ESR1: variants seen among roughly 807,000 people sequenced by gnomAD.
ESR1 encodes estrogen receptor.
In ESR1, 12 loss-of-function variants were observed where a neutral mutation model predicts 52.7. The observed-to-expected ratio is 0.23, with a 90% CI of 0.15 to 0.37. ESR1 has a LOEUF of 0.37. ESR1 is among the 10% of genes least tolerant of loss of function. The pLI is 1.00. For missense variants in ESR1, 584 were observed against 779.7 expected, an observed-to-expected ratio of 0.75 and a Z score of 2.99; for synonymous variants, 305 against 316.8, an observed-to-expected ratio of 0.96 and a Z score of 0.39.
chr6:151,690,437 A>G (rs892546314), upstream of ESR1: 3 of 152,164 alleles, frequency 2.0e-5, no homozygotes. Flanking sequence ...AGATTTTCCA[A>G]TCCTAGTCAA....
chr6:151,690,834 G>A (rs144574520), intron 1 of ESR1, among the ~76,000 whole-genome samples: 1 of 152,288 alleles, frequency 6.6e-6, no homozygotes, highest in Non-Finnish European at 1.5e-5. Flanking sequence ...GTATTCCTGG[G>A]ATGATAAAAT....
intron 2 of ESR1, among the ~76,000 whole-genome samples, chr6:151,741,329 C>T (rs907091953): frequency 3.3e-5 from 5 of 152,038 alleles, no homozygotes; most frequent in Non-Finnish European, 7.3e-5. Context: ...TCCTCTATGC[C>T]TAAGCTTATT....
At chr6:151,660,266 A>C (rs1777594820) in intron 1 of ESR1, among the ~76,000 whole-genome samples, 1 of 152,168 alleles carries the variant, frequency 6.6e-6, no homozygotes, top group African/African-American at 2.4e-5. Flanking sequence ...TAAACTCTTA[A>C]CTTTGTGAGG....
At chr6:151,663,832 A>C (rs897202860) in intron 1 of ESR1, among the ~76,000 whole-genome samples, 3 of 152,208 alleles carry the variant, frequency 2.0e-5, no homozygotes, top group Non-Finnish European at 2.9e-5. Flanking sequence ...TGTTCCTGAG[A>C]GTGAAGGGAT....
At position 152,122,466 on chromosome 6, in the gene ESR1, G is replaced by A; in HGVS notation, c.851-2800G>A. ...GTGGAGGAGGGCCATTCGTGTATCTGAGCATGGGGTGGAATGACCGGGCAA... is the reference window on the plus strand; with the variant it reads ...GTGGAGGAGGGCCATTCGTGTATCTAAGCATGGGGTGGAATGACCGGGCAA... On this transcript the variant is annotated intron_variant, in intron 6 of 6. Coordinates refer to the ESR1 transcript ENST00000427531. The A allele has an allele frequency of 2.5e-6, 4 of 1,614,170 alleles. No homozygotes were observed. In the South Asian group the frequency reaches 4.4e-5, roughly 18 times the overall value.
intron 5 of ESR1, among the ~76,000 whole-genome samples, chr6:152,050,003 C>T (rs1459328502): frequency 2.0e-5 from 3 of 152,066 alleles, no homozygotes. Flanking sequence ...ATCTTTTTTG[C>T]TTTTGTCCCC....
At chr6:151,706,312 A>G (rs1318603755) in intron 2 of ESR1, among the ~76,000 whole-genome samples, 1 of 152,244 alleles carries the variant, frequency 6.6e-6, no homozygotes. Flanking sequence ...CAGCTCCAAC[A>G]TGCAGGACCC....
chr6:151,701,053 T>C (rs1179449019), intron 1 of ESR1, among the ~76,000 whole-genome samples: 1 of 152,192 alleles, frequency 6.6e-6, no homozygotes, highest in Non-Finnish European at 1.5e-5. Flanking sequence ...AAAGCTGTAT[T>C]AAGTTGCATT....
chr6:151,679,688 A>G (rs761574836), intron 1 of ESR1, among the ~76,000 whole-genome samples: 22 of 152,124 alleles, frequency 1.4e-4, no homozygotes, highest in Admixed American at 3.9e-4. Context: ...ACACCTTAGC[A>G]TTCCTGTTAC....
At chr6:151,671,535 T>C (rs1214861151) in intron 1 of ESR1, among the ~76,000 whole-genome samples, 5 of 152,044 alleles carry the variant, frequency 3.3e-5, no homozygotes, top group African/African-American at 1.2e-4. Context: ...GGAAATGGAA[T>C]GCGGCAGAAA....
chr6:152,007,763 G>A (rs1018480842), intron 4 of ESR1, among the ~76,000 whole-genome samples: 1 of 152,034 alleles, frequency 6.6e-6, no homozygotes, highest in Admixed American at 6.6e-5. Context: ...AAGTGATGGC[G>A]GGATGAATCA....
intron 5 of ESR1, among the ~76,000 whole-genome samples, chr6:152,047,956 ATTTTTTTTTTTTTTTT>A (rs71017517): frequency 1.5e-5 from 1 of 67,780 alleles, no homozygotes; most frequent in Admixed American, 1.7e-4. Context: ...CTCCTCAAGC[ATTTTTTTTTTTTTTTT>A]TTTTTTTTTT....
Position 152,094,662 on chromosome 6 carries a change from T to G in ESR1, c.1553+94T>G. The G allele has an allele frequency of 8.9e-7, 1 of 1,120,810 alleles. No homozygotes were observed. The highest frequency in any genetic ancestry group is 1.3e-6 in the Non-Finnish European group (1 of 761,724). The allele number at this position is 1,120,810 out of a possible 1,614,324, so 69.4% of individuals were successfully genotyped here. A position where few individuals can be genotyped will look rare whatever the true frequency, so the allele number is the denominator to read the frequency against. ...TGGCCGGGAAGGACTGGTGCCTGCA[T>G]ATGGAGAGTGCACTTGTGACAGTTC... On this transcript the variant is annotated intron_variant, in intron 7 of 7. Coordinates refer to ENST00000206249, the MANE Select transcript of ESR1 (RefSeq NM_000125.4). This position sits in a 1 kb window ranked among gnomAD's most constrained non-coding sequence, Gnocchi z 4.6.
At chr6:151,956,816 A>C (rs1013446591) in intron 4 of ESR1, among the ~76,000 whole-genome samples, 14 of 77,810 alleles carry the variant, frequency 1.8e-4, no homozygotes, top group African/African-American at 4.3e-4. Context: ...ATATAAATAT[A>C]TATAAAAATA....
chr6:151,954,568 C>T (rs920915936), intron 4 of ESR1, among the ~76,000 whole-genome samples: 24 of 152,214 alleles, frequency 1.6e-4, no homozygotes, highest in African/African-American at 3.4e-4. Flanking sequence ...TGGGCAGTTC[C>T]GTCTCTGGAG....
Position 152,033,111 on chromosome 6 carries a change from C to A in ESR1, c.1235+21317C>A, listed in dbSNP as rs1001259210. On this transcript the variant is annotated intron_variant, in intron 5 of 7. Coordinates refer to ENST00000206249, the MANE Select transcript of ESR1 (RefSeq NM_000125.4). ...ATATGTAGAAAGCTGAAACTGGATC[C>A]CTTCCTTACACCTTATACAAAAATT... Among the ~76,000 whole-genome samples, 5 of 152,170 alleles carry A rather than the reference C, an allele frequency of 3.3e-5. No individual in the cohort carries two copies. The East Asian group carries it at 7.7e-4, about 23-fold the overall frequency.
At chr6:151,923,547 C>T (rs1170833925) in intron 3 of ESR1, among the ~76,000 whole-genome samples, 1 of 152,256 alleles carries the variant, frequency 6.6e-6, no homozygotes, top group African/African-American at 2.4e-5. Context: ...TCTTTTGTCT[C>T]TTCTAGAATA....
chr6:152,077,751 G>C (rs1297561515), intron 6 of ESR1, among the ~76,000 whole-genome samples: 1 of 152,178 alleles, frequency 6.6e-6, no homozygotes, highest in Admixed American at 6.5e-5. Flanking sequence ...TTTTAGACTT[G>C]TGTGGGCCCT....
At chr6:151,743,238 AG>A (rs1783228338) in intron 2 of ESR1, among the ~76,000 whole-genome samples, 1 of 152,088 alleles carries the variant, frequency 6.6e-6, no homozygotes, top group African/African-American at 2.4e-5. Context: ...GGTACCTGCA[AG>A]GGCATGTAGG....
Sources: gnomAD v4.1 joint callset for allele counts (sites outside exome capture counted in the v4.1 genomes callset) on GRCh38, gnomAD v4.1.1 for gene constraint, Gnocchi (gnomAD v3.1) non-coding constraint, MANE v1.5 for transcripts, NCBI Gene and HGNC (gene_info 2026-07-23, HGNC 2026-07-21) for gene names.